The following GPC6 variants were observed in gnomAD, a reference collection of about 807,000 sequenced individuals.
GPC6 encodes glypican 6.
GPC6 carries 14 observed loss-of-function variants against 55.2 expected under a neutral mutation model. The observed-to-expected ratio is 0.25, with a 90% CI of 0.17 to 0.40. GPC6 has a LOEUF of 0.40. Among genes scored for constraint, GPC6 ranks in the 10% least tolerant of loss-of-function variants. The pLI, the probability that GPC6 is intolerant of heterozygous loss-of-function variation, is 1.00. For synonymous variants in GPC6, 278 were observed against 259.6 expected, an observed-to-expected ratio of 1.07 and a Z score of -0.68; for missense variants, 641 against 708.5, an observed-to-expected ratio of 0.90 and a Z score of 1.08.
At chr13:94,040,080 GA>G (rs1388620908) in intron 4 of GPC6, among the ~76,000 whole-genome samples, 1 of 151,732 alleles carries the variant, frequency 6.6e-6, no homozygotes, top group East Asian at 1.9e-4. Context: ...AGTTCAAGAG[GA>G]AATTGATTTT....
chr13:93,427,333 C>T (rs1434351892), intron 1 of GPC6, among the ~76,000 whole-genome samples: 1 of 151,714 alleles, frequency 6.6e-6, no homozygotes, highest in Non-Finnish European at 1.5e-5. Flanking sequence ...AGGCATCACA[C>T]TACCTGACTT....
At chr13:93,369,847 T>C (rs1464012910) in intron 1 of GPC6, among the ~76,000 whole-genome samples, 1 of 152,196 alleles carries the variant, frequency 6.6e-6, no homozygotes, top group Non-Finnish European at 1.5e-5. Context: ...TTATCATTAT[T>C]AAATTCATAT....
At chr13:93,360,210 G>GA (rs1463935208) in intron 1 of GPC6, among the ~76,000 whole-genome samples, 1 of 152,196 alleles carries the variant, frequency 6.6e-6, no homozygotes, top group Admixed American at 6.5e-5. Flanking sequence ...ACCCCAGAGT[G>GA]AAAACCACTT....
chr13:93,851,041 T>C (rs1888374816), intron 3 of GPC6, among the ~76,000 whole-genome samples: 1 of 151,992 alleles, frequency 6.6e-6, no homozygotes, highest in African/African-American at 2.4e-5. Context: ...AGAATCTAAC[T>C]ACTTCTGATT....
At position 94,288,861 on chromosome 13, in the gene GPC6, T is replaced by TATATAATAA. The variant is rs1566637944; in HGVS notation, c.1008+2387_1008+2388insATAAATATA. On this transcript the variant is annotated intron_variant, in intron 5 of 8. Transcript: ENST00000377047. ...ATATAACAAATATATATAATAAATA[T>TATATAATAA]ATATATTTGTTATATATATAACTAA... Among the ~76,000 whole-genome samples, 27 of 122,452 alleles carry TATATAATAA rather than the reference T, an allele frequency of 2.2e-4. 1 individual carries two copies. The highest frequency in any genetic ancestry group is 8.5e-4 in the African/African-American group (27 of 31,790). 80.3% of individuals were successfully genotyped at this position (122,452 alleles called of 152,430 possible). A position where few individuals can be genotyped will look rare whatever the true frequency, so the allele number is the denominator to read the frequency against.
chr13:93,492,691 G>C (rs1454014001), intron 1 of GPC6, among the ~76,000 whole-genome samples: 1 of 150,978 alleles, frequency 6.6e-6, no homozygotes, highest in East Asian at 1.9e-4. Flanking sequence ...TTTGAAATAC[G>C]TCCCATCAAG....
At chr13:93,814,461 G>C (rs1200140504) in intron 2 of GPC6, among the ~76,000 whole-genome samples, 2 of 152,108 alleles carry the variant, frequency 1.3e-5, no homozygotes, top group Non-Finnish European at 2.9e-5. Flanking sequence ...TGTCTCTTGA[G>C]TACATTAGGT....
At chr13:93,256,377 ATC>A (rs1359850057) in intron 1 of GPC6, among the ~76,000 whole-genome samples, 4 of 151,886 alleles carry the variant, frequency 2.6e-5, no homozygotes, top group Non-Finnish European at 5.9e-5. Flanking sequence ...GGAATAATTT[ATC>A]TCTCCTCTTA....
intron 2 of GPC6, among the ~76,000 whole-genome samples, chr13:93,758,512 C>T (rs891991132): frequency 6.6e-6 from 1 of 151,946 alleles, no homozygotes; most frequent in Non-Finnish European, 1.5e-5. Context: ...ATAAAATATA[C>T]ATATTGTCCT....
chr13:93,975,573 T>G (rs984407982), intron 3 of GPC6, among the ~76,000 whole-genome samples: 2 of 152,176 alleles, frequency 1.3e-5, no homozygotes, highest in Non-Finnish European at 2.9e-5. Flanking sequence ...TTTAGACATA[T>G]TTTTCAAATA....
At chr13:93,447,555 A>G (rs1313692413) in intron 1 of GPC6, among the ~76,000 whole-genome samples, 7 of 152,328 alleles carry the variant, frequency 4.6e-5, no homozygotes, top group African/African-American at 1.7e-4. Context: ...ACTTTTGATC[A>G]AGACATTCTA....
intron 3 of GPC6, among the ~76,000 whole-genome samples, chr13:93,913,785 C>T (rs1219443165): frequency 3.3e-5 from 5 of 152,078 alleles, no homozygotes; most frequent in African/African-American, 9.7e-5. Flanking sequence ...GATTCACTAT[C>T]GAAGGATTAA....
chr13:93,408,868 A>G (rs1253436985), intron 1 of GPC6, among the ~76,000 whole-genome samples: 1 of 152,140 alleles, frequency 6.6e-6, no homozygotes, highest in Non-Finnish European at 1.5e-5. Context: ...AGTATTTGCC[A>G]TTCCTGAATG....
At chr13:93,869,735 T>A (rs1266839984) in intron 3 of GPC6, among the ~76,000 whole-genome samples, 2 of 151,860 alleles carry the variant, frequency 1.3e-5, no homozygotes, top group African/African-American at 4.8e-5. Flanking sequence ...TCCTAGCATG[T>A]TTCTTAACTG....
At chr13:93,757,384 A>G (rs78335928) in intron 2 of GPC6, among the ~76,000 whole-genome samples, 3,747 of 152,244 alleles carry the variant, frequency 0.025, 57 homozygotes, top group Non-Finnish European at 0.038. Context: ...CACCCACAGA[A>G]GGTTGTAGCT....
chr13:93,918,776 C>A (rs1297300353), intron 3 of GPC6, among the ~76,000 whole-genome samples: 2 of 152,178 alleles, frequency 1.3e-5, no homozygotes, highest in African/African-American at 4.8e-5. Flanking sequence ...GATGTTCCCA[C>A]CACACATATC....
intron 6 of GPC6, among the ~76,000 whole-genome samples, chr13:94,361,767 A>G (rs1450266481): frequency 1.3e-5 from 2 of 152,254 alleles, no homozygotes; most frequent in African/African-American, 4.8e-5. Flanking sequence ...TTAAATGTTT[A>G]AAATTGTTGT....
chr13:93,276,458 CAGAGAGAGAG>C (rs144297308), intron 1 of GPC6, among the ~76,000 whole-genome samples: 2,617 of 117,470 alleles, frequency 0.022, 77 homozygotes, highest in African/African-American at 0.073. Flanking sequence ...CTGGCCTTTT[CAGAGAGAGAG>C]AGAGAGAGAG....
At chr13:94,335,562 T>C (rs1379531921) in intron 6 of GPC6, among the ~76,000 whole-genome samples, 1 of 151,898 alleles carries the variant, frequency 6.6e-6, no homozygotes, top group Non-Finnish European at 1.5e-5. Flanking sequence ...GTAGGATAAA[T>C]AGTTGCCATA....
Sources: gnomAD v4.1 joint callset for allele counts (sites outside exome capture counted in the v4.1 genomes callset) on GRCh38, gnomAD v4.1.1 for gene constraint, MANE v1.5 for transcripts, NCBI Gene and HGNC (gene_info 2026-07-23, HGNC 2026-07-21) for gene names.